Variants in BMPER observed in about 807,000 individuals in gnomAD.
BMPER encodes the protein BMP binding endothelial regulator, also known as BMP-binding endothelial regulator protein.
A neutral mutation model predicts 87.3 loss-of-function variants in BMPER; 45 were observed. The ratio of observed to expected loss-of-function variants is 0.52; its 90% confidence interval spans 0.41 to 0.66. The LOEUF (loss-of-function observed/expected upper bound fraction) is 0.66. Ranked by LOEUF, BMPER falls within the 30% of genes least tolerant of loss-of-function variation. The pLI, the probability that BMPER is intolerant of heterozygous loss-of-function variation, is 0.00. For missense variants in BMPER, 784 were observed against 867.5 expected, an observed-to-expected ratio of 0.90 and a Z score of 1.21; for synonymous variants, 326 against 316.2, an observed-to-expected ratio of 1.03 and a Z score of -0.33.
chr7:33,948,977 AC>A (rs1448374942), intron 3 of BMPER, among the ~76,000 whole-genome samples: 1 of 152,108 alleles, frequency 6.6e-6, no homozygotes, highest in Non-Finnish European at 1.5e-5. Flanking sequence ...GCAGTTCTTC[AC>A]CCGGGCACAG....
chr7:33,937,488 G>A, intron 3 of BMPER, 100 bp downstream of exon 3: 6 of 1,212,556 alleles, frequency 4.9e-6, no homozygotes, highest in Non-Finnish European at 7.2e-6. Flanking sequence ...TGGCTGGGGT[G>A]CACATGGGTG....
At chr7:34,033,696 C>T (rs1223995078) in intron 6 of BMPER, among the ~76,000 whole-genome samples, 1 of 152,202 alleles carries the variant, frequency 6.6e-6, no homozygotes, top group Non-Finnish European at 1.5e-5. Context: ...GAGGGACTTG[C>T]CCTTGGGCAT....
At chr7:34,074,378 T>TG (rs1282002101) in intron 11 of BMPER, among the ~76,000 whole-genome samples, 1 of 152,316 alleles carries the variant, frequency 6.6e-6, no homozygotes, top group East Asian at 1.9e-4. Flanking sequence ...CTGTGCAAGA[T>TG]GGGGGGCTCC....
chr7:34,001,772 T>C (rs1365690902), intron 6 of BMPER, among the ~76,000 whole-genome samples: 1 of 151,698 alleles, frequency 6.6e-6, no homozygotes, highest in African/African-American at 2.4e-5. Context: ...GGTTAAGTTA[T>C]TGATTTGAGA....
At chr7:34,027,782 T>C (rs1401713139) in intron 6 of BMPER, among the ~76,000 whole-genome samples, 1 of 152,116 alleles carries the variant, frequency 6.6e-6, no homozygotes, top group Non-Finnish European at 1.5e-5. Flanking sequence ...AAAATTCAAA[T>C]TTTGAAAAAT....
intron 6 of BMPER, among the ~76,000 whole-genome samples, chr7:34,035,305 A>G (rs1464930549): frequency 6.6e-6 from 1 of 152,234 alleles, no homozygotes; most frequent in African/African-American, 2.4e-5. Flanking sequence ...AGAACTGCAC[A>G]TAACAATGGA....
intron 13 of BMPER, among the ~76,000 whole-genome samples, chr7:34,090,851 C>G (rs1048523715): frequency 6.6e-6 from 1 of 152,232 alleles, no homozygotes; most frequent in Non-Finnish European, 1.5e-5. Flanking sequence ...TCTCTGCACT[C>G]TCCTTGACGG....
At chr7:34,123,246 A>G (rs1037357332) in intron 13 of BMPER, among the ~76,000 whole-genome samples, 23 of 152,186 alleles carry the variant, frequency 1.5e-4, no homozygotes, top group African/African-American at 5.5e-4. Context: ...TTTTTCTTAT[A>G]AAAACAGGAG....
chr7:34,070,232 TC>T (rs1209904382), intron 11 of BMPER, among the ~76,000 whole-genome samples: 3 of 152,150 alleles, frequency 2.0e-5, no homozygotes, highest in Non-Finnish European at 4.4e-5. Flanking sequence ...TACCTTTGAT[TC>T]CCCCAATTAT....
chr7:33,999,347 A>C (rs1406086542), intron 6 of BMPER, among the ~76,000 whole-genome samples: 1 of 152,258 alleles, frequency 6.6e-6, no homozygotes. Flanking sequence ...GCTTTGAATT[A>C]AACCCAACAA....
chr7:34,006,707 A>G (rs1232794089), intron 6 of BMPER, among the ~76,000 whole-genome samples: 1 of 152,098 alleles, frequency 6.6e-6, no homozygotes, highest in Non-Finnish European at 1.5e-5. Context: ...TTACTTGCAA[A>G]CAGAGATGTT....
intron 11 of BMPER, among the ~76,000 whole-genome samples, chr7:34,064,988 A>G (rs1285334875): frequency 6.6e-6 from 1 of 152,114 alleles, no homozygotes; most frequent in African/African-American, 2.4e-5. Flanking sequence ...TTGTCATTAT[A>G]TTCAGGATTC....
chr7:33,976,492 A>T, intron 6 of BMPER, among the ~76,000 whole-genome samples: 1 of 152,184 alleles, frequency 6.6e-6, no homozygotes, highest in Non-Finnish European at 1.5e-5. Flanking sequence ...TATGTAAATA[A>T]TATTTGCCAT....
intron 13 of BMPER, among the ~76,000 whole-genome samples, chr7:34,095,888 C>G (rs1264358275): frequency 6.6e-6 from 1 of 152,010 alleles, no homozygotes; most frequent in Non-Finnish European, 1.5e-5. Context: ...GAGTAAGTGA[C>G]AGTGGCCATT....
At chr7:34,028,683 C>T (rs1787442821) in intron 6 of BMPER, among the ~76,000 whole-genome samples, 1 of 124,318 alleles carries the variant, frequency 8.0e-6, no homozygotes, top group African/African-American at 3.1e-5. Flanking sequence ...CAGAAATGTC[C>T]GTAAGATGTC....
chr7:34,048,140 T>C (rs1788038728), intron 7 of BMPER, among the ~76,000 whole-genome samples: 1 of 152,122 alleles, frequency 6.6e-6, no homozygotes. Flanking sequence ...TTTACTGTCT[T>C]CAACTCTGAA....
chr7:34,123,955 AT>A (rs1790330113), intron 13 of BMPER, among the ~76,000 whole-genome samples: 1 of 152,146 alleles, frequency 6.6e-6, no homozygotes, highest in Non-Finnish European at 1.5e-5. Flanking sequence ...TTAATTATCC[AT>A]GGGGCACAGC....
intron 6 of BMPER, among the ~76,000 whole-genome samples, chr7:33,990,132 G>A: frequency 6.8e-6 from 1 of 146,684 alleles, no homozygotes; most frequent in South Asian, 2.2e-4. Context: ...CTTTAAAGTA[G>A]TTTTTTCCAA....
At chr7:34,062,965 T>C (rs1788479288) in intron 11 of BMPER, among the ~76,000 whole-genome samples, 1 of 152,242 alleles carries the variant, frequency 6.6e-6, no homozygotes, top group Admixed American at 6.5e-5. Flanking sequence ...TGTCTGAGAC[T>C]GTACTACTGA....
Sources: gnomAD v4.1 joint callset for allele counts (sites outside exome capture counted in the v4.1 genomes callset) on GRCh38, gnomAD v4.1.1 for gene constraint, MANE v1.5 for transcripts, NCBI Gene and HGNC (gene_info 2026-07-23, HGNC 2026-07-21) for gene names.